The following TSC22D1 variants were observed in gnomAD, a reference collection of about 807,000 sequenced individuals.
TSC22D1 encodes TSC22 domain family member 1, also known as TSC22 domain family protein 1.
A neutral mutation model predicts 74.2 loss-of-function variants in TSC22D1; 9 were observed. The observed-to-expected ratio is 0.12, with a 90% CI of 0.07 to 0.21. TSC22D1 has a LOEUF of 0.21. Ranked by LOEUF, TSC22D1 falls within the 10% of genes least tolerant of loss-of-function variation. The pLI, the probability that TSC22D1 is intolerant of heterozygous loss-of-function variation, is 1.00. For missense variants in TSC22D1, 1,427 were observed against 1,304.7 expected, an observed-to-expected ratio of 1.09 and a Z score of -1.44; for synonymous variants, 586 against 492.5, an observed-to-expected ratio of 1.19 and a Z score of -2.51.
At position 44,434,656 on chromosome 13, in the gene TSC22D1, T is replaced by G. The variant is rs375090470; in HGVS notation, c.3192A>C (p.Pro1064=). Residue 1064 remains proline (P), a synonymous_variant, in exon 3 of 3, where the codon CCA becomes CCC. Coordinates refer to ENST00000458659, the MANE Select transcript of TSC22D1 (RefSeq NM_183422.4). The part of the protein sequence containing the change: ...PQGTTQPPAQ[P]ASQGSGPTA ...CGGTTGGTCCTGAGCCCTGCGATGCTGGCTGGGCGGGGGGCTGTGTGGTGC... is the reference window on the plus strand; with the variant it reads ...CGGTTGGTCCTGAGCCCTGCGATGCGGGCTGGGCGGGGGGCTGTGTGGTGC... The G allele has an allele frequency of 4.0e-4, 629 of 1,588,248 alleles. 1 individual carries two copies. The highest frequency in any genetic ancestry group is 5.1e-4 in the Non-Finnish European group (600 of 1,169,112).
intron 1 of TSC22D1, among the ~76,000 whole-genome samples, chr13:44,467,270 G>C (rs1053679403): frequency 2.0e-5 from 3 of 152,064 alleles, no homozygotes; most frequent in Non-Finnish European, 2.9e-5. Context: ...TAAGGACATG[G>C]ATACCTGACG....
chr13:44,576,830 G>C (rs1884286375), upstream of TSC22D1, among the ~76,000 whole-genome samples: 1 of 151,566 alleles, frequency 6.6e-6, no homozygotes, highest in Admixed American at 6.6e-5. Context: ...GAGCACGGCC[G>C]GGGCGCGGCG....
intron 1 of TSC22D1, among the ~76,000 whole-genome samples, chr13:44,562,806 CT>C (rs1311404221): frequency 9.2e-5 from 14 of 152,240 alleles, no homozygotes; most frequent in African/African-American, 3.1e-4. Context: ...TGGATAAACT[CT>C]ATAAAAACGC....
rs1305324934 is a variant in TSC22D1 at position 44,573,976 on chromosome 13, G to A, written c.2099C>T (p.Ala700Val). 3 of 1,614,052 alleles carry A rather than the reference G, an allele frequency of 1.9e-6. No individual in the cohort carries two copies. The highest frequency in any genetic ancestry group is 1.7e-5 in the Admixed American group (1 of 60,032). Residue 700 changes from alanine to valine, a missense_variant, in exon 1 of 3, where the codon GCA (alanine) becomes GTA (valine). Around this residue, in one of 3 missense-constraint regions of TSC22D1, gnomAD observed 1,343 missense variants for 1,191.5 expected, o/e 1.13. Transcript: ENST00000458659. ...TGCCCCTGCAGGTTGTGCTGGGACTGCTGTGGGCTGCACTGGCAGCTGGAT... is the reference window on the plus strand; with the variant it reads ...TGCCCCTGCAGGTTGTGCTGGGACTACTGTGGGCTGCACTGGCAGCTGGAT... ...QGIQLPVQPTAVPAQPAGASV... is the reference protein window; with the variant it reads ...QGIQLPVQPTVVPAQPAGASV...
chr13:44,493,650 C>T (rs56208811), intron 1 of TSC22D1, among the ~76,000 whole-genome samples: 17,519 of 152,154 alleles, frequency 0.12, 1,051 homozygotes, highest in Non-Finnish European at 0.13. Context: ...GAGAAGACCC[C>T]AAACTTTCAC....
At chr13:44,498,095 A>C (rs923733775) in intron 1 of TSC22D1, among the ~76,000 whole-genome samples, 5 of 149,260 alleles carry the variant, frequency 3.3e-5, no homozygotes, top group African/African-American at 9.8e-5. Context: ...AACCAAAAAA[A>C]AAACCAAAAA....
chr13:44,552,976 C>A (rs2065835), intron 1 of TSC22D1, among the ~76,000 whole-genome samples: 151,157 of 152,302 alleles, frequency 0.99, 75,028 homozygotes, highest in East Asian at 1. Flanking sequence ...CGACATAGCG[C>A]GACTCCATCT....
intron 1 of TSC22D1, among the ~76,000 whole-genome samples, chr13:44,547,332 T>C (rs1384382542): frequency 6.6e-6 from 1 of 152,164 alleles, no homozygotes. Context: ...ATAGTCTTTT[T>C]CTTTCCCTTT....
At chr13:44,551,609 C>T (rs190312209) in intron 1 of TSC22D1, among the ~76,000 whole-genome samples, 7 of 152,246 alleles carry the variant, frequency 4.6e-5, no homozygotes, top group Non-Finnish European at 7.3e-5. Context: ...TTAGTAGAGA[C>T]GAGGTTTCAC....
At position 44,575,215 on chromosome 13, in the gene TSC22D1, G is replaced by T; in HGVS notation, c.860C>A (p.Ala287Glu). Reference sequence around the variant, plus strand: ...AGCACGCATATTAGTCATTACAGATGCAGGTGAACCACTGGATGATACAGC... The same window carrying T: ...AGCACGCATATTAGTCATTACAGATTCAGGTGAACCACTGGATGATACAGC... ...TSAVSSSGSP[A>E]SVMTNMRAPS... Residue 287 changes from alanine to glutamate, a missense_variant, in exon 1 of 3, where the codon GCA (alanine) becomes GAA (glutamate). Transcript: ENST00000458659. 3.7e-6 allele frequency: 6 copies of T among 1,614,044 alleles called. No individual in the cohort carries two copies. Among genetic ancestry groups the T allele is most frequent in the Non-Finnish European group, 5.1e-6 (6 of 1,180,050 alleles).
At chr13:44,491,455 G>A (rs963563424) in intron 1 of TSC22D1, among the ~76,000 whole-genome samples, 2 of 150,754 alleles carry the variant, frequency 1.3e-5, no homozygotes, top group Admixed American at 1.3e-4. Flanking sequence ...TCGGGAAGCT[G>A]AGGCAGGAGA....
intron 1 of TSC22D1, chr13:44,537,659 G>C: frequency 2.0e-6 from 2 of 984,400 alleles, no homozygotes; most frequent in Non-Finnish European, 2.4e-6. Context: ...CTAAAAACAA[G>C]TCGGGAGTAA....
chr13:44,534,919 G>GT lies in TSC22D1; in HGVS notation c.2912+38243dup, dbSNP rs1288611837. Among the ~76,000 whole-genome samples, 2 of 152,112 alleles carry GT rather than the reference G, an allele frequency of 1.3e-5. 1 individual carries two copies. The highest frequency in any genetic ancestry group is 3.9e-4 in the East Asian group (2 of 5,186). ...TATATACTCAACTTACCAAAGTACA[G>GT]TATTTTTACAGTGCTCAGGCTTGAG... is the stretch of plus-strand genomic sequence containing the variant. On this transcript the variant is annotated intron_variant, in intron 1 of 2. Transcript: ENST00000458659.
chr13:44,434,461 A>G lies in TSC22D1; in HGVS notation c.*165T>C. The G allele has an allele frequency of 1.4e-6, 2 of 1,383,394 alleles. No individual in the cohort carries two copies. The highest frequency in any genetic ancestry group is 1.9e-6 in the Non-Finnish European group (2 of 1,076,094). The allele number at this position is 1,383,394 out of a possible 1,614,324, so 85.7% of individuals were successfully genotyped here. ...TAAGAAATTTCTCCAAGCCATAAGC[A>G]TATGAGTGTTTAATACTGGAAAAGA... On this transcript the variant is annotated 3_prime_UTR_variant, in exon 3 of 3. Coordinates refer to ENST00000458659, the MANE Select transcript of TSC22D1 (RefSeq NM_183422.4).
intron 1 of TSC22D1, among the ~76,000 whole-genome samples, chr13:44,451,120 C>T (rs1804330206): frequency 6.6e-6 from 1 of 152,186 alleles, no homozygotes; most frequent in South Asian, 2.1e-4. Context: ...GCCAGGCACC[C>T]TAAGGTGCCA....
At chr13:44,467,091 G>A (rs1181450152) in intron 1 of TSC22D1, among the ~76,000 whole-genome samples, 4 of 152,006 alleles carry the variant, frequency 2.6e-5, no homozygotes, top group East Asian at 1.9e-4. Flanking sequence ...GAACACGGGA[G>A]GTGGAGGTTG....
chr13:44,471,022 T>A (rs1341280116), intron 1 of TSC22D1, among the ~76,000 whole-genome samples: 1 of 152,172 alleles, frequency 6.6e-6, no homozygotes, highest in African/African-American at 2.4e-5. Flanking sequence ...TAGTTTTCCA[T>A]CAAAAAAGTT....
chr13:44,433,048 T>C lies in TSC22D1; in HGVS notation c.*1578A>G, dbSNP rs1874181669. The C allele has an allele frequency of 6.6e-6, 1 of 152,202 alleles. No individual in the cohort carries two copies. Among genetic ancestry groups the C allele is most frequent in the Admixed American group, 6.5e-5 (1 of 15,286 alleles). The allele number at this position is 152,202 out of a possible 1,614,324, so 9.4% of individuals were successfully genotyped here. A position where few individuals can be genotyped will look rare whatever the true frequency, so the allele number is the denominator to read the frequency against. ...CAGGAGCTAGAAACTCATCCTACAC[T>C]AGGAGAAACATCCCAACCCAGGGTG... On this transcript the variant is annotated 3_prime_UTR_variant, in exon 3 of 3. Coordinates refer to ENST00000458659, the MANE Select transcript of TSC22D1 (RefSeq NM_183422.4).
intron 1 of TSC22D1, among the ~76,000 whole-genome samples, chr13:44,510,097 T>C (rs1321591297): frequency 6.6e-6 from 1 of 151,720 alleles, no homozygotes; most frequent in East Asian, 1.9e-4. Context: ...AAAATGTTTA[T>C]ACTCCGCTAG....
Sources: gnomAD v4.1 joint callset for allele counts (sites outside exome capture counted in the v4.1 genomes callset) on GRCh38, gnomAD v4.1.1 for gene constraint, gnomAD v4.1.1 regional missense constraint, MANE v1.5 for transcripts, NCBI Gene and HGNC (gene_info 2026-07-23, HGNC 2026-07-21) for gene names.